SCN9A: variants seen among roughly 807,000 people sequenced by gnomAD.
The protein encoded by SCN9A is sodium voltage-gated channel alpha subunit 9.
In SCN9A, 131 loss-of-function variants were observed where a neutral mutation model predicts 187.0. That is an observed-to-expected ratio of 0.70 (90% confidence interval 0.61 to 0.81). The LOEUF is 0.81. Among genes scored for constraint, SCN9A ranks in the 30% least tolerant of loss-of-function variants. SCN9A has a pLI of 0.00. For synonymous variants in SCN9A, 809 were observed against 808.6 expected (o/e 1.00, Z -0.01); for missense variants, 2,252 against 2,396.6 (o/e 0.94, Z 1.26).
intron 1 of SCN9A, among the ~76,000 whole-genome samples, chr2:166,315,437 A>G (rs1235515428): frequency 1.3e-5 from 2 of 152,206 alleles, no homozygotes; most frequent in Non-Finnish European, 2.9e-5. Flanking sequence ...AAGTATATGA[A>G]AAAAGCAGAG....
chr2:166,320,541 G>C (rs1353230747), intron 1 of SCN9A, among the ~76,000 whole-genome samples: 1 of 152,086 alleles, frequency 6.6e-6, no homozygotes, highest in Non-Finnish European at 1.5e-5. Context: ...AGTAAAGATT[G>C]TGTCTTCTAC....
In SCN9A at chr2:166,286,482, T is replaced by G. The variant is rs562227075; in HGVS notation, c.1456A>C (p.Lys486Gln). ...TTTTCCTCTCCACTGGAGAGCTTCT[T>G]TTGATTCTTTTTCTTTCTTCTGTTT... is the stretch of plus-strand genomic sequence containing the variant. The part of the protein sequence containing the change: ...RRNRRKKKNQ[K>Q]KLSSGEEKGD... The change falls in exon 11 of 27, where the codon AAG (lysine) becomes CAG (glutamine). Residue 486 changes from lysine to glutamine, a missense_variant. Physicochemically the swap from Lys to Gln is moderately conservative, Grantham distance 53. Coordinates refer to ENST00000642356, the MANE Select transcript of SCN9A (RefSeq NM_001365536.1). 2.5e-6 allele frequency: 4 copies of G among 1,613,794 alleles called. No homozygotes were observed. The South Asian group carries it at 4.4e-5, about 18-fold the overall frequency.
At chr2:166,289,269 G>A in intron 9 of SCN9A, among the ~76,000 whole-genome samples, 1 of 151,168 alleles carries the variant, frequency 6.6e-6, no homozygotes, top group East Asian at 2.0e-4. Flanking sequence ...CACGTGCCAT[G>A]GTGGTTTGCT....
At chr2:166,347,072 T>A (rs902087759) in intron 1 of SCN9A, among the ~76,000 whole-genome samples, 10 of 152,200 alleles carry the variant, frequency 6.6e-5, no homozygotes, top group Admixed American at 1.3e-4. Flanking sequence ...GTCCACTTTT[T>A]AAAATATTTT....
chr2:166,240,233 C>G (rs550463835), intron 19 of SCN9A, among the ~76,000 whole-genome samples: 1 of 152,254 alleles, frequency 6.6e-6, no homozygotes, highest in South Asian at 2.1e-4. Context: ...TTCTGAAACA[C>G]AATAAGTATA....
intron 1 of SCN9A, among the ~76,000 whole-genome samples, chr2:166,315,072 A>C (rs1443263833): frequency 6.6e-6 from 1 of 152,202 alleles, no homozygotes; most frequent in African/African-American, 2.4e-5. Flanking sequence ...AGTAAAAAGG[A>C]AACAAATCAA....
In SCN9A at chr2:166,286,629, TG is replaced by T. The variant is rs766375481; in HGVS notation, c.1315-7del. 2 of 1,528,338 alleles carry T rather than the reference TG, an allele frequency of 1.3e-6. No individual in the cohort carries two copies. Among genetic ancestry groups the T allele is most frequent in the Non-Finnish European group, 1.7e-6 (2 of 1,143,570 alleles). The allele number at this position is 1,528,338 out of a possible 1,614,324, so 94.7% of individuals were successfully genotyped here. ...GCCGCTGCCGCTGCAATTGCCTGGT[TG>T]GGCCAAGACGTTAACACTTAAATGA... On this transcript the variant is annotated splice_polypyrimidine_tract_variant and splice_region_variant and intron_variant, in intron 10 of 26. Coordinates refer to ENST00000642356, the MANE Select transcript of SCN9A (RefSeq NM_001365536.1).
At chr2:166,273,966 GGAATCATAGT>G (rs1371104345) in intron 16 of SCN9A, among the ~76,000 whole-genome samples, 10 of 152,126 alleles carry the variant, frequency 6.6e-5, no homozygotes, top group Admixed American at 3.3e-4. Flanking sequence ...CGGAGGTCTG[GGAATCATAGT>G]GAACAATTTT....
At chr2:166,233,723 G>T (rs1179774089) in intron 20 of SCN9A, among the ~76,000 whole-genome samples, 1 of 152,058 alleles carries the variant, frequency 6.6e-6, no homozygotes, top group African/African-American at 2.4e-5. Flanking sequence ...TCATGCATAT[G>T]CTTTTCACAC....
chr2:166,255,817 G>A (rs1291147432), intron 17 of SCN9A, among the ~76,000 whole-genome samples: 2 of 150,766 alleles, frequency 1.3e-5, no homozygotes, highest in Non-Finnish European at 3.0e-5. Flanking sequence ...GGGTATAAAA[G>A]AGAAGAAAAA....
At position 166,277,110 on chromosome 2, in the gene SCN9A, G is replaced by C; in HGVS notation, c.2747C>G (p.Ser916Cys). 6.2e-7 allele frequency: 1 copy of C among 1,614,030 alleles called. No homozygotes were observed. Among genetic ancestry groups the C allele is most frequent in the Non-Finnish European group, 8.5e-7 (1 of 1,179,986 alleles). ...PRWHMNDFFHSFLIVFRVLCG... is the reference protein window; with the variant it reads ...PRWHMNDFFHCFLIVFRVLCG... The stretch of plus-strand genomic sequence containing the variant: ...CAGCACGCGGAACACAATCAGGAAG[G>C]AGTGGAAGAAGTCGTTCATGTGCCA... The change falls in exon 16 of 27, where the codon TCC becomes TGC. Residue 916 changes from serine (S) to cysteine (C), a missense_variant. Ser to Cys is a moderately radical substitution (Grantham distance 112, BLOSUM62 -1). Transcript: ENST00000642356.
At chr2:166,336,451 A>G (rs1699630059) in intron 1 of SCN9A, among the ~76,000 whole-genome samples, 1 of 152,144 alleles carries the variant, frequency 6.6e-6, no homozygotes, top group Non-Finnish European at 1.5e-5. Flanking sequence ...ACATGGAGGA[A>G]GAAGGGTGCT....
intron 11 of SCN9A, among the ~76,000 whole-genome samples, chr2:166,285,491 G>C (rs536140938): frequency 6.6e-6 from 1 of 152,232 alleles, no homozygotes; most frequent in South Asian, 2.1e-4. Flanking sequence ...AAAAAGTATG[G>C]TAAGGTCTTT....
intron 1 of SCN9A, among the ~76,000 whole-genome samples, chr2:166,319,205 G>T (rs891027539): frequency 6.6e-6 from 1 of 151,954 alleles, no homozygotes; most frequent in African/African-American, 2.4e-5. Context: ...TGTGATGAGA[G>T]AAAATATTTT....
intron 1 of SCN9A, among the ~76,000 whole-genome samples, chr2:166,370,497 C>T (rs1483229887): frequency 1.3e-5 from 2 of 150,778 alleles, no homozygotes; most frequent in African/African-American, 4.9e-5. Context: ...GAGCCAAGAT[C>T]GCGCCACTGC....
chr2:166,370,495 A>G (rs1700533823), intron 1 of SCN9A, among the ~76,000 whole-genome samples: 1 of 151,526 alleles, frequency 6.6e-6, no homozygotes, highest in African/African-American at 2.4e-5. Context: ...GTGAGCCAAG[A>G]TCGCGCCACT....
chr2:166,226,593 C>G lies in SCN9A; in HGVS notation c.4372G>C (p.Asp1458His). The change falls in exon 24 of 27, where the codon GAT becomes CAT. Residue 1458 changes from aspartate (D) to histidine (H), a missense_variant. Transcript: ENST00000642356. ...TLNLFIGVIIDNFNQQKKKLG... is the reference protein window; with the variant it reads ...TLNLFIGVIIHNFNQQKKKLG... ...TTCTTTTTCTGTTGGTTGAAATTATCTATGATGACACCAATGAACAAGTTC... is the reference window on the plus strand; with the variant it reads ...TTCTTTTTCTGTTGGTTGAAATTATGTATGATGACACCAATGAACAAGTTC... 6.4e-7 allele frequency: 1 copy of G among 1,574,230 alleles called. No individual in the cohort carries two copies. Among genetic ancestry groups the G allele is most frequent in the Non-Finnish European group, 8.6e-7 (1 of 1,158,054 alleles).
intron 18 of SCN9A, among the ~76,000 whole-genome samples, chr2:166,251,252 T>C (rs555293180): frequency 4.6e-5 from 7 of 152,072 alleles, no homozygotes; most frequent in African/African-American, 1.7e-4. Context: ...TTACAGGATG[T>C]GCAGAAAAAA....
At chr2:166,259,700 A>C (rs1017046179) in intron 17 of SCN9A, among the ~76,000 whole-genome samples, 2 of 151,806 alleles carry the variant, frequency 1.3e-5, no homozygotes, top group Non-Finnish European at 2.9e-5. Context: ...TTCTTGATTG[A>C]CTTATTTTTA....
Sources: allele counts gnomAD v4.1 joint callset (sites outside exome capture counted in the v4.1 genomes callset), GRCh38; gene constraint gnomAD v4.1.1; transcripts MANE v1.5; gene names NCBI Gene and HGNC (gene_info 2026-07-23, HGNC 2026-07-21).